Variants in DOCK3 observed in about 807,000 individuals in gnomAD.
DOCK3 encodes dedicator of cytokinesis protein 3.
Under a neutral mutation model 265.6 loss-of-function variants are expected in DOCK3, and 60 were observed. That is an observed-to-expected ratio of 0.23 (90% CI 0.18 to 0.28). The LOEUF (loss-of-function observed/expected upper bound fraction) is 0.28, where lower values mean the gene tolerates loss of function less well. Among genes scored for constraint, DOCK3 ranks in the 10% least tolerant of loss-of-function variants. The pLI is 1.00. For synonymous variants in DOCK3, 881 were observed against 938.0 expected (o/e 0.94, Z 1.11); for missense variants, 1,981 against 2,594.3 (o/e 0.76, Z 5.14).
At chr3:51,079,646 C>T (rs1453224034) in intron 7 of DOCK3, among the ~76,000 whole-genome samples, 1 of 152,142 alleles carries the variant, frequency 6.6e-6, no homozygotes, top group Non-Finnish European at 1.5e-5. Context: ...AACCACCATA[C>T]TTAGCAGGAT....
At chr3:50,708,720 A>G (rs562392650) in intron 1 of DOCK3, among the ~76,000 whole-genome samples, 15 of 152,288 alleles carry the variant, frequency 9.8e-5, no homozygotes, top group African/African-American at 2.4e-4. Context: ...GGGAACGTCT[A>G]TCACTTGGGG....
intron 9 of DOCK3, among the ~76,000 whole-genome samples, chr3:51,138,349 G>C (rs2084902539): frequency 1.3e-5 from 2 of 152,112 alleles, no homozygotes; most frequent in Non-Finnish European, 1.5e-5. Context: ...AAACAGGTGT[G>C]ATAGATAAAT....
chr3:51,242,726 T>A (rs1395673902), intron 21 of DOCK3, among the ~76,000 whole-genome samples: 1 of 152,126 alleles, frequency 6.6e-6, no homozygotes, highest in Non-Finnish European at 1.5e-5. Context: ...CGGGGCTGGC[T>A]GGCTCTGTGC....
intron 4 of DOCK3, among the ~76,000 whole-genome samples, chr3:50,917,027 G>C (rs576232462): frequency 4.6e-5 from 7 of 151,880 alleles, no homozygotes; most frequent in African/African-American, 1.7e-4. Context: ...GGAAAGACAC[G>C]GATGTTCCAA....
At chr3:51,186,430 T>C (rs1047861854) in intron 12 of DOCK3, among the ~76,000 whole-genome samples, 4 of 152,320 alleles carry the variant, frequency 2.6e-5, no homozygotes, top group East Asian at 1.9e-4. Flanking sequence ...GCACAAAAGC[T>C]TGGAAAATTC....
At chr3:51,041,918 T>C (rs1267672547) in intron 5 of DOCK3, among the ~76,000 whole-genome samples, 2 of 152,174 alleles carry the variant, frequency 1.3e-5, no homozygotes, top group Non-Finnish European at 2.9e-5. Flanking sequence ...AGCCAGCTTG[T>C]CCTTTGATGC....
chr3:51,002,412 G>C (rs1389944025), intron 5 of DOCK3, among the ~76,000 whole-genome samples: 2 of 152,118 alleles, frequency 1.3e-5, no homozygotes, highest in Non-Finnish European at 2.9e-5. Context: ...TCATTTCTTA[G>C]TTGTATCTTC....
At chr3:51,053,078 G>GATAGATAGAT (rs1345393303) in intron 5 of DOCK3, among the ~76,000 whole-genome samples, 1 of 43,788 alleles carries the variant, frequency 2.3e-5, no homozygotes, top group Non-Finnish European at 4.2e-5. Flanking sequence ...AAAAGTCAAA[G>GATAGATAGAT]ATATATATAT....
rs1388633467 is a variant in DOCK3, at chr3:50,767,917, G to GTTTT, written c.38-10757_38-10756insTTTT. Among the ~76,000 whole-genome samples the GTTTT allele has an allele frequency of 2.0e-5, 3 of 151,622 alleles. No homozygotes were observed. The East Asian group carries it at 5.8e-4, about 29-fold the overall frequency. On this transcript the variant is annotated intron_variant, in intron 1 of 52. Transcript: ENST00000266037. The stretch of plus-strand genomic sequence containing the variant: ...GAGTTCACTCATGATTTGGCTCTCT[G>GTTTT]TCCGTTATTGGTGTATAGGAATGCT...
chr3:51,157,120 G>A (rs1052621876), intron 10 of DOCK3, among the ~76,000 whole-genome samples: 5 of 150,592 alleles, frequency 3.3e-5, no homozygotes, highest in Non-Finnish European at 7.4e-5. Flanking sequence ...CAACTTTCAT[G>A]TAAAAATATA....
chr3:50,902,876 G>C (rs942454301), intron 4 of DOCK3, among the ~76,000 whole-genome samples: 3 of 152,158 alleles, frequency 2.0e-5, no homozygotes, highest in Non-Finnish European at 4.4e-5. Flanking sequence ...TCTCCCTGAA[G>C]AGGTCCTACA....
At chr3:50,827,335 T>A (rs2044823875) in intron 2 of DOCK3, among the ~76,000 whole-genome samples, 1 of 152,194 alleles carries the variant, frequency 6.6e-6, no homozygotes, top group Admixed American at 6.5e-5. Flanking sequence ...AAGAACAAGG[T>A]GCCAAACAGA....
At position 50,889,247 on chromosome 3, in the gene DOCK3, C is replaced by T. The variant is rs182932087; in HGVS notation, c.163-779C>T. The stretch of plus-strand genomic sequence containing the variant: ...TACAGGTGTGCACCACCACACCTGG[C>T]TAACTTTCTAATTGTTTGTAGAGAC... On this transcript the variant is annotated intron_variant, in intron 3 of 52. Coordinates refer to ENST00000266037, the MANE Select transcript of DOCK3 (RefSeq NM_004947.5). Among the ~76,000 whole-genome samples the T allele has an allele frequency of 4.1e-4, 62 of 151,970 alleles. No individual in the cohort carries two copies. The East Asian group carries it at 0.011, about 27-fold the overall frequency.
chr3:51,122,775 TGCC>T (rs963620914), intron 9 of DOCK3, among the ~76,000 whole-genome samples: 1 of 152,264 alleles, frequency 6.6e-6, no homozygotes, highest in African/African-American at 2.4e-5. Context: ...AGCTTCCCAC[TGCC>T]CAGAAGAGCA....
chr3:50,753,293 A>G (rs966466318), intron 1 of DOCK3, among the ~76,000 whole-genome samples: 39 of 152,144 alleles, frequency 2.6e-4, no homozygotes, highest in African/African-American at 9.2e-4. Context: ...CTGTAGAAAT[A>G]CCTTTTCGTA....
chr3:51,302,615 T>C (rs953334703), intron 27 of DOCK3, among the ~76,000 whole-genome samples: 1 of 152,190 alleles, frequency 6.6e-6, no homozygotes, highest in Non-Finnish European at 1.5e-5. Flanking sequence ...GCAGGCCTGG[T>C]GGTGACAAAT....
At chr3:50,952,679 GCA>G (rs1208321694) in intron 5 of DOCK3, among the ~76,000 whole-genome samples, 3 of 152,098 alleles carry the variant, frequency 2.0e-5, no homozygotes, top group Admixed American at 2.0e-4. Flanking sequence ...TAATTATAAG[GCA>G]CAATACCAGT....
rs556407124 is a variant in DOCK3, at chr3:50,907,347, G to A, written c.218+17266G>A. On this transcript the variant is annotated intron_variant, in intron 4 of 52. Transcript: ENST00000266037. ...CTCGTTGATCTGTCTAATGTTGACA[G>A]TGGGGTGTTAAAAGTCTCCCATTAT... is the stretch of plus-strand genomic sequence containing the variant. Among the ~76,000 whole-genome samples, 3 of 152,158 alleles carry A rather than the reference G, an allele frequency of 2.0e-5. No individual in the cohort carries two copies. The South Asian group carries it at 6.2e-4, about 32-fold the overall frequency.
At chr3:50,908,186 T>G (rs1399073151) in intron 4 of DOCK3, among the ~76,000 whole-genome samples, 1 of 148,726 alleles carries the variant, frequency 6.7e-6, no homozygotes, top group Admixed American at 6.8e-5. Flanking sequence ...ATTTTTTTTT[T>G]TTTTGAAGGG....
Sources: allele counts gnomAD v4.1 joint callset (sites outside exome capture counted in the v4.1 genomes callset), GRCh38; gene constraint gnomAD v4.1.1; transcripts MANE v1.5; gene names NCBI Gene and HGNC (gene_info 2026-07-23, HGNC 2026-07-21).